The following WDR7 variants were observed in gnomAD, a reference collection of about 807,000 sequenced individuals.
WDR7 encodes WD repeat domain 7, also known as WD repeat-containing protein 7.
In WDR7, 46 loss-of-function variants were observed where a neutral mutation model predicts 169.4. The observed-to-expected ratio is 0.27, with a 90% CI of 0.21 to 0.35. The LOEUF (loss-of-function observed/expected upper bound fraction) is 0.35. WDR7 is among the 10% of genes least tolerant of loss of function. The pLI, the probability that WDR7 is intolerant of heterozygous loss-of-function variation, is 1.00. For synonymous variants in WDR7, 612 were observed against 666.8 expected, an observed-to-expected ratio of 0.92 and a Z score of 1.27; for missense variants, 1,534 against 1,859.3, an observed-to-expected ratio of 0.83 and a Z score of 3.22.
At chr18:56,805,948 G>A (rs1021747600) in intron 19 of WDR7, among the ~76,000 whole-genome samples, 21 of 152,120 alleles carry the variant, frequency 1.4e-4, no homozygotes, top group Non-Finnish European at 2.2e-4. Context: ...CTGTAGATGC[G>A]CCAGGGACTT....
chr18:56,756,552 T>C (rs2043892869), intron 14 of WDR7, 31 bp from the exon 15 acceptor site: 3 of 1,492,546 alleles, frequency 2.0e-6, no homozygotes, highest in African/African-American at 1.4e-5. Context: ...CACTTTTAAT[T>C]ATAACTATCT....
chr18:56,994,681 A>G (rs1029995723), intron 26 of WDR7, among the ~76,000 whole-genome samples: 3 of 152,220 alleles, frequency 2.0e-5, no homozygotes, highest in Admixed American at 2.0e-4. Flanking sequence ...CAAGATTTTC[A>G]GCATCCTATC....
intron 21 of WDR7, 135 bp downstream of exon 21, chr18:56,880,300 A>G (rs1215718490): frequency 2.5e-6 from 2 of 793,366 alleles, no homozygotes; most frequent in Non-Finnish European, 4.0e-6. Context: ...AAGCAGTACA[A>G]TCTGGCACAT....
At chr18:56,914,059 A>G (rs1185177240) in intron 21 of WDR7, among the ~76,000 whole-genome samples, 1 of 152,182 alleles carries the variant, frequency 6.6e-6, no homozygotes, top group African/African-American at 2.4e-5. Flanking sequence ...TAAAAGGCCC[A>G]GCATGATCCA....
At chr18:56,794,732 T>G (rs2044554384) in intron 19 of WDR7, among the ~76,000 whole-genome samples, 1 of 152,228 alleles carries the variant, frequency 6.6e-6, no homozygotes, top group Admixed American at 6.5e-5. Context: ...GTTTCATAAT[T>G]TTTTCAAAGT....
chr18:56,926,467 C>A (rs1162970209), intron 22 of WDR7, among the ~76,000 whole-genome samples: 1 of 152,060 alleles, frequency 6.6e-6, no homozygotes, highest in African/African-American at 2.4e-5. Flanking sequence ...TGTTTTGTTG[C>A]CTGGGAGGAG....
At chr18:56,906,876 T>A (rs1229362622) in intron 21 of WDR7, among the ~76,000 whole-genome samples, 5 of 152,220 alleles carry the variant, frequency 3.3e-5, no homozygotes, top group African/African-American at 1.2e-4. Context: ...TCTTTGCATT[T>A]TGCATAATGA....
At chr18:56,696,068 A>C (rs539920769) in intron 11 of WDR7, among the ~76,000 whole-genome samples, 174 bp from the exon 12 acceptor site, 1 of 152,338 alleles carries the variant, frequency 6.6e-6, no homozygotes, top group East Asian at 1.9e-4. Context: ...AGTGCTCAGT[A>C]GTCTCATGTG....
chr18:57,015,950 A>G (rs1394515024), intron 26 of WDR7, among the ~76,000 whole-genome samples: 2 of 152,208 alleles, frequency 1.3e-5, no homozygotes, highest in African/African-American at 4.8e-5. Context: ...CTCACCCTAA[A>G]GTCAGGGCAT....
intron 20 of WDR7, among the ~76,000 whole-genome samples, chr18:56,875,482 C>G (rs188673010): frequency 9.2e-5 from 14 of 152,236 alleles, no homozygotes; most frequent in African/African-American, 2.9e-4. Context: ...GCATACCTTC[C>G]CACTGTTTGT....
At chr18:57,018,302 C>T (rs2048236387) in intron 26 of WDR7, among the ~76,000 whole-genome samples, 1 of 152,230 alleles carries the variant, frequency 6.6e-6, no homozygotes, top group African/African-American at 2.4e-5. Flanking sequence ...TTAATCTACT[C>T]ACAGTTTTAG....
chr18:56,953,479 A>G (rs906031096), intron 25 of WDR7, among the ~76,000 whole-genome samples: 2 of 152,254 alleles, frequency 1.3e-5, no homozygotes, highest in Non-Finnish European at 2.9e-5. Flanking sequence ...AACAAAGTAA[A>G]ATAATTTTTA....
At chr18:56,748,699 A>G (rs960593672) in intron 14 of WDR7, among the ~76,000 whole-genome samples, 1 of 152,136 alleles carries the variant, frequency 6.6e-6, no homozygotes, top group Non-Finnish European at 1.5e-5. Context: ...CTGTGACTGT[A>G]TTGTCATTCA....
chr18:56,804,479 T>C (rs1230731082), intron 19 of WDR7, among the ~76,000 whole-genome samples: 4 of 152,216 alleles, frequency 2.6e-5, no homozygotes, highest in Non-Finnish European at 5.9e-5. Flanking sequence ...CATAGTCCAC[T>C]TCACACAATA....
At chr18:56,872,511 A>G (rs560265703) in intron 20 of WDR7, among the ~76,000 whole-genome samples, 1 of 152,324 alleles carries the variant, frequency 6.6e-6, no homozygotes, top group East Asian at 1.9e-4. Flanking sequence ...CGTACATTTG[A>G]AGAACACTCT....
the WDR7 span, chr18:57,036,529 C>G: frequency 6.6e-6 from 1 of 152,434 alleles, no homozygotes; most frequent in Non-Finnish European, 1.5e-5. Context: ...CAGTCCAGCT[C>G]CCCCCTGCCT....
At chr18:57,010,227 G>T (rs2048118309) in intron 26 of WDR7, 1 of 985,244 alleles carries the variant, frequency 1.0e-6, no homozygotes, top group Admixed American at 6.2e-5. Flanking sequence ...CTTTGGGTTT[G>T]CCCAGATCTG....
chr18:56,988,197 C>T (rs1439439554), intron 26 of WDR7, among the ~76,000 whole-genome samples: 3 of 152,164 alleles, frequency 2.0e-5, no homozygotes, highest in African/African-American at 7.2e-5. Context: ...AGCAATAAGG[C>T]TTGACAGGGA....
In WDR7 at chr18:56,675,507, A is replaced by AT. The variant is rs1330922869; in HGVS notation, c.159+2838dup. Among the ~76,000 whole-genome samples the AT allele has an allele frequency of 2.0e-5, 3 of 151,576 alleles. No homozygotes were observed. In the East Asian group the frequency reaches 5.8e-4, roughly 29 times the overall value. ...ATTTTTCCATTTATTTTATTTTCAG[A>AT]TTTTTCATTGCTGGTGTATAGAAAT... On this transcript the variant is annotated intron_variant, in intron 2 of 27. Transcript: ENST00000254442.
Sources: allele counts gnomAD v4.1 joint callset (sites outside exome capture counted in the v4.1 genomes callset), GRCh38; gene constraint gnomAD v4.1.1; transcripts MANE v1.5; gene names NCBI Gene and HGNC (gene_info 2026-07-23, HGNC 2026-07-21).